Variants in PLCD3 observed in about 807,000 individuals in gnomAD.
PLCD3 encodes the protein phospholipase C delta 3.
Under a neutral mutation model 82.8 loss-of-function variants are expected in PLCD3, and 62 were observed. The ratio of observed to expected loss-of-function variants is 0.75; its 90% CI spans 0.61 to 0.93. PLCD3 has a LOEUF of 0.93. Among genes scored for constraint, PLCD3 ranks in the 40% least tolerant of loss-of-function variants. The probability of loss-of-function intolerance (pLI) is 0.00; values close to 1 mark genes in which losing one functional copy is unlikely to be tolerated. For synonymous variants in PLCD3, 478 were observed against 471.8 expected (o/e 1.01, Z -0.17); for missense variants, 1,023 against 1,103.4 (o/e 0.93, Z 1.03).
rs530069222 is a variant in PLCD3, at chr17:45,123,636, A to G, written c.164-2264T>C. On this transcript the variant is annotated intron_variant, in intron 1 of 14. Transcript: ENST00000619929. ...CGGAATTACCCAGGGGAGGCTGCAG[A>G]CACCACAGCCCAGGGCATCTCACCC... Among the ~76,000 whole-genome samples, 4 of 152,270 alleles carry G rather than the reference A, an allele frequency of 2.6e-5. No homozygotes were observed. In the East Asian group the frequency reaches 7.7e-4, roughly 29 times the overall value.
rs1567883512 is a variant in PLCD3, at chr17:45,125,165, T to TACAA, written c.164-3794_164-3793insTTGT. ...AACATGGTGAAACCCTGTTTCTGTT[T>TACAA]AAAATATAAAACATCAGCCGGGCAT... On this transcript the variant is annotated intron_variant, in intron 1 of 14. Coordinates refer to ENST00000619929, the MANE Select transcript of PLCD3 (RefSeq NM_133373.5). Among the ~76,000 whole-genome samples the TACAA allele has an allele frequency of 7.1e-3, 894 of 126,202 alleles. 37 individuals carry two copies. Among genetic ancestry groups the TACAA allele is most frequent in the East Asian group, 0.024 (98 of 4,132 alleles). The allele number at this position is 126,202 out of a possible 152,430, so 82.8% of individuals were successfully genotyped here.
In PLCD3 at chr17:45,120,921, G is replaced by T. The variant is rs1381291237; in HGVS notation, c.535C>A (p.Gln179Lys). Reference sequence around the variant, plus strand: ...GGATATTGGTCTAGCCGCTCGCGCTGGCTCATGGCGTCCAGGCGCGCGCGG... The same window carrying T: ...GGATATTGGTCTAGCCGCTCGCGCTTGCTCATGGCGTCCAGGCGCGCGCGG... The part of the protein sequence containing the change: ...KLRARLDAMS[Q>K]RERLDHWIHS... The change falls in exon 3 of 15, where the codon CAG (glutamine) becomes AAG (lysine). Residue 179 changes from glutamine to lysine, a missense_variant. Physicochemically the swap from Gln to Lys is moderately conservative, Grantham distance 53 (BLOSUM62 1). Coordinates refer to ENST00000619929, the MANE Select transcript of PLCD3 (RefSeq NM_133373.5). 2.1e-6 allele frequency: 3 copies of T among 1,451,438 alleles called. No homozygotes were observed. Among genetic ancestry groups the T allele is most frequent in the Non-Finnish European group, 2.7e-6 (3 of 1,109,208 alleles). 89.9% of individuals were successfully genotyped at this position (1,451,438 alleles called of 1,614,324 possible).
At chr17:45,121,474 A>C in intron 1 of PLCD3, 102 bp from the exon 2 acceptor site, 3 of 1,337,388 alleles carry the variant, frequency 2.2e-6, no homozygotes, top group Non-Finnish European at 2.0e-6. Context: ...GCCTCTCCAA[A>C]CCCAGGCCTT....
Position 45,116,779 on chromosome 17 carries a change from G to C in PLCD3, c.1266C>G (p.Ser422=). 1.3e-6 allele frequency: 2 copies of C among 1,596,926 alleles called. No homozygotes were observed. Among genetic ancestry groups the C allele is most frequent in the South Asian group, 2.2e-5 (2 of 89,240 alleles). Residue 422 remains serine, a synonymous_variant, in exon 8 of 15, where the codon TCC becomes TCG. Coordinates refer to ENST00000619929, the MANE Select transcript of PLCD3 (RefSeq NM_133373.5). The stretch of plus-strand genomic sequence containing the variant: ...CCAGGGATAGGATGACAGGGTAAGG[G>C]GACAGCTGTGGGGGGAAGGGCAGCA... ...QAVRDHAFTL[S]PYPVILSLEN...
Position 45,118,392 on chromosome 17 carries a change from G to C in PLCD3, c.1014C>G (p.Asp338Glu). 1 of 1,614,052 alleles carries C rather than the reference G, an allele frequency of 6.2e-7. No homozygotes were observed. The highest frequency in any genetic ancestry group is 8.5e-7 in the Non-Finnish European group (1 of 1,179,898). ...LDNTHTCVFQ[D>E]MNQPLAHYFI... ...AGTAGTGGGCAAGGGGCTGGTTCAT[G>C]TCCTGGAACACACACGTGTGGGTGT... Residue 338 changes from aspartate (D) to glutamate (E), a missense_variant, in exon 6 of 15, where the codon GAC becomes GAG. By Grantham distance (45) the Asp-to-Glu change is conservative (BLOSUM62 2). Coordinates refer to ENST00000619929, the MANE Select transcript of PLCD3 (RefSeq NM_133373.5). This position sits in a 1 kb window ranked among gnomAD's most constrained non-coding sequence, Gnocchi z 4.1.
chr17:45,114,092 C>T (rs2054270137), intron 11 of PLCD3, among the ~76,000 whole-genome samples, 158 bp downstream of exon 11: 1 of 152,134 alleles, frequency 6.6e-6, no homozygotes, highest in South Asian at 2.1e-4. Context: ...AACAAACGAG[C>T]CTGATTTGAT....
At chr17:45,123,964 C>CG (rs1555610231) in intron 1 of PLCD3, among the ~76,000 whole-genome samples, 6 of 145,232 alleles carry the variant, frequency 4.1e-5, no homozygotes, top group East Asian at 4.0e-4. Flanking sequence ...AGACCCCCCC[C>CG]CCAACCAGGT....
At chr17:45,128,593 AGGCT>A (rs1393224237) in intron 1 of PLCD3, among the ~76,000 whole-genome samples, 5 of 152,212 alleles carry the variant, frequency 3.3e-5, no homozygotes, top group African/African-American at 1.2e-4. Flanking sequence ...TAGTGTGTGT[AGGCT>A]GGGGAGGCAA....
In PLCD3 at chr17:45,129,909, G is replaced by A. The variant is rs1001298427; in HGVS notation, c.163+2339C>T. ...CCCCTCTAAGCCACTCCCTGCCCTAGTCCCTTGACCTGATTTGATATAAAA... is the reference window on the plus strand; with the variant it reads ...CCCCTCTAAGCCACTCCCTGCCCTAATCCCTTGACCTGATTTGATATAAAA... On this transcript the variant is annotated intron_variant, in intron 1 of 14. Transcript: ENST00000619929. Among the ~76,000 whole-genome samples, 3 of 152,170 alleles carry A rather than the reference G, an allele frequency of 2.0e-5. No individual in the cohort carries two copies. The East Asian group carries it at 5.8e-4, about 29-fold the overall frequency.
At chr17:45,114,950 G>T in intron 10 of PLCD3, 144 bp downstream of exon 10, 2 of 1,219,062 alleles carry the variant, frequency 1.6e-6, no homozygotes, top group Non-Finnish European at 2.2e-6. Flanking sequence ...CATGTGCGGG[G>T]CCCTCATTCC....
rs2054317855 is a variant in PLCD3 at position 45,119,207 on chromosome 17, C to T, written c.685-164G>A. ...TCTAGCTCACACAGCTGGTAAATTA[C>T]AGGGCAGGATTTTTTGGTTTGTTTT... On this transcript the variant is annotated intron_variant, in intron 4 of 14. Transcript: ENST00000619929. 4.8e-6 allele frequency: 3 copies of T among 625,932 alleles called. No individual in the cohort carries two copies. The East Asian group carries it at 8.3e-5, about 17-fold the overall frequency. 38.8% of individuals were successfully genotyped at this position (625,932 alleles called of 1,614,324 possible).
At chr17:45,121,814 A>AC (rs1204802920) in intron 1 of PLCD3, among the ~76,000 whole-genome samples, 2 of 152,058 alleles carry the variant, frequency 1.3e-5, no homozygotes, top group Non-Finnish European at 2.9e-5. Context: ...ACATGGTGCA[A>AC]CCCCACCTCT....
intron 1 of PLCD3, among the ~76,000 whole-genome samples, chr17:45,128,006 G>T (rs2054394430): frequency 6.6e-6 from 1 of 152,130 alleles, no homozygotes; most frequent in Non-Finnish European, 1.5e-5. Context: ...TTTCCAGGTG[G>T]CCGGGGCTGT....
Position 45,121,082 on chromosome 17 carries a change from C to A in PLCD3, c.374G>T (p.Gly125Val). The A allele has an allele frequency of 6.5e-7, 1 of 1,539,792 alleles. No homozygotes were observed. Among genetic ancestry groups the A allele is most frequent in the East Asian group, 2.4e-5 (1 of 40,878 alleles). The change falls in exon 3 of 15, where the codon GGC (glycine) becomes GTC (valine). Residue 125 changes from glycine (G) to valine (V), a missense_variant. Physicochemically the swap from Gly to Val is moderately radical, Grantham distance 109. Transcript: ENST00000619929. Reference sequence around the variant, plus strand: ...GAAGGCACCCCCGAAGCGCCGCAGGCCCTCGGACTGGTGGCCCTCGCGGAC... The same window carrying A: ...GAAGGCACCCCCGAAGCGCCGCAGGACCTCGGACTGGTGGCCCTCGCGGAC... The part of the protein sequence containing the change: ...EAVREGHQSE[G>V]LRRFGGAFAP...
In PLCD3 at chr17:45,111,330, ACTC is replaced by A. The variant is rs1484502890; in HGVS notation, c.*1283_*1285del. ...GAGTGGCAGTCTGAGGGTCCCTCAG[ACTC>A]CTGTCTCCTCCTCATTCAAGGCCCC... On this transcript the variant is annotated 3_prime_UTR_variant, in exon 15 of 15. Coordinates refer to ENST00000619929, the MANE Select transcript of PLCD3 (RefSeq NM_133373.5). 6.7e-6 allele frequency: 1 copy of A among 149,056 alleles called. No homozygotes were observed. The highest frequency in any genetic ancestry group is 2.5e-5 in the African/African-American group (1 of 40,144). The allele number at this position is 149,056 out of a possible 1,614,324, so 9.2% of individuals were successfully genotyped here. A position where few individuals can be genotyped will look rare whatever the true frequency, so the allele number is the denominator to read the frequency against.
chr17:45,130,263 C>T (rs1331189055), intron 1 of PLCD3, among the ~76,000 whole-genome samples: 3 of 152,188 alleles, frequency 2.0e-5, no homozygotes, highest in Non-Finnish European at 4.4e-5. Context: ...TCCCGTGCAG[C>T]CTTACTCAGC....
chr17:45,114,815 C>T (rs1315202513), intron 10 of PLCD3, among the ~76,000 whole-genome samples: 2 of 152,090 alleles, frequency 1.3e-5, no homozygotes, highest in East Asian at 3.9e-4. Flanking sequence ...GTTGCAGCAG[C>T]TGCTGGGCTC....
rs141595488 is a variant in PLCD3 at position 45,115,313 on chromosome 17, C to A, written c.1560+31G>T. On this transcript the variant is annotated intron_variant, in intron 9 of 14. Transcript: ENST00000619929. ...CACATCCGTCCTCCCACCTTCCCCC[C>A]CTTCCCCACCCCACCCATCCCAGCT... 3.5e-4 allele frequency: 534 copies of A among 1,514,532 alleles called. 1 individual carries two copies. Among genetic ancestry groups the A allele is most frequent in the South Asian group, 6.0e-5 (5 of 82,748 alleles). The allele number at this position is 1,514,532 out of a possible 1,614,324, so 93.8% of individuals were successfully genotyped here.
rs1236279912 is a variant in PLCD3, at chr17:45,118,808, C to T, written c.913+7G>A. On this transcript the variant is annotated splice_region_variant and intron_variant, in intron 5 of 14. Coordinates refer to ENST00000619929, the MANE Select transcript of PLCD3 (RefSeq NM_133373.5). The surrounding 1 kb of genome is among the most constrained non-coding windows in gnomAD (Gnocchi z 4.1). ...GTGCCACGACCTGGCCGTGCCACCC[C>T]CCCCACCTGTCTCGTTGAGCTCATA... The T allele has an allele frequency of 6.3e-7, 1 of 1,597,792 alleles. No individual in the cohort carries two copies. The highest frequency in any genetic ancestry group is 8.5e-7 in the Non-Finnish European group (1 of 1,169,870).
Sources: gnomAD v4.1 joint callset for allele counts (sites outside exome capture counted in the v4.1 genomes callset) on GRCh38, gnomAD v4.1.1 for gene constraint, Gnocchi (gnomAD v3.1) non-coding constraint, MANE v1.5 for transcripts, NCBI Gene and HGNC (gene_info 2026-07-23, HGNC 2026-07-21) for gene names.